KLF12: variants seen among roughly 807,000 people sequenced by gnomAD.
KLF12 encodes KLF transcription factor 12.
In KLF12, 9 loss-of-function variants were observed where a neutral mutation model predicts 37.8. The ratio of observed to expected loss-of-function variants is 0.24; its 90% CI spans 0.14 to 0.42. The LOEUF is 0.42. Among genes scored for constraint, KLF12 ranks in the 10% least tolerant of loss-of-function variants. KLF12 has a pLI of 1.00. For synonymous variants in KLF12, 208 were observed against 202.1 expected (o/e 1.03, Z -0.25); for missense variants, 411 against 516.0 (o/e 0.80, Z 1.97).
At chr13:73,776,869 C>T (rs1445005568) in intron 5 of KLF12, among the ~76,000 whole-genome samples, 2 of 152,024 alleles carry the variant, frequency 1.3e-5, no homozygotes, top group Non-Finnish European at 2.9e-5. Context: ...CAGGAAGGAA[C>T]TGATTAAAAT....
intron 3 of KLF12, among the ~76,000 whole-genome samples, chr13:73,934,949 T>TATTA (rs1361529579): frequency 9.3e-6 from 1 of 107,448 alleles, no homozygotes; most frequent in Non-Finnish European, 1.9e-5. Flanking sequence ...GATAGGTTTT[T>TATTA]ATTATTTATT....
At chr13:74,089,806 A>G (rs1455006178) in intron 1 of KLF12, among the ~76,000 whole-genome samples, 10 of 25,524 alleles carry the variant, frequency 3.9e-4, no homozygotes, top group Admixed American at 6.9e-4. Context: ...GCAGGGGGAA[A>G]AAAAAAAAAA....
At chr13:74,134,772 G>A (rs911268355), upstream of KLF12, among the ~76,000 whole-genome samples, 2 of 151,880 alleles carry the variant, frequency 1.3e-5, no homozygotes, top group East Asian at 2.0e-4. Context: ...GTCAGAGCGC[G>A]CCAGACAGGC....
At chr13:73,972,596 T>C (rs1197675064) in intron 2 of KLF12, among the ~76,000 whole-genome samples, 1 of 147,424 alleles carries the variant, frequency 6.8e-6, no homozygotes, top group Non-Finnish European at 1.5e-5. Context: ...TTTATTTTTA[T>C]CATCTAGTAT....
intron 1 of KLF12, among the ~76,000 whole-genome samples, chr13:74,023,421 G>C (rs987860710): frequency 1.3e-5 from 2 of 152,214 alleles, no homozygotes; most frequent in Non-Finnish European, 2.9e-5. Context: ...TGGCTTTTAA[G>C]AACAGAAATC....
At chr13:74,104,644 G>A (rs773530390) in intron 1 of KLF12, among the ~76,000 whole-genome samples, 5 of 152,116 alleles carry the variant, frequency 3.3e-5, no homozygotes, top group East Asian at 3.8e-4. Context: ...AGTCAATAAT[G>A]TTCTATCAAG....
chr13:73,707,884 G>C (rs61958890), intron 7 of KLF12, among the ~76,000 whole-genome samples: 19 of 152,162 alleles, frequency 1.2e-4, no homozygotes, highest in Non-Finnish European at 1.6e-4. Flanking sequence ...GATGAGGCAA[G>C]TAAGAAAGTG....
chr13:74,145,067 T>C, the KLF12 span, among the ~76,000 whole-genome samples: 1 of 152,266 alleles, frequency 6.6e-6, no homozygotes, highest in South Asian at 2.1e-4. Context: ...GCAGTTTTTT[T>C]CACTATTGCA....
intron 1 of KLF12, among the ~76,000 whole-genome samples, chr13:74,081,592 C>T (rs1262900641): frequency 6.6e-6 from 1 of 152,122 alleles, no homozygotes; most frequent in African/African-American, 2.4e-5. Flanking sequence ...ATGGATCTGC[C>T]ATGAGCAACG....
At chr13:74,249,127 T>A in the KLF12 span, among the ~76,000 whole-genome samples, 1 of 152,092 alleles carries the variant, frequency 6.6e-6, no homozygotes, top group Admixed American at 6.6e-5. Context: ...GTGATAATGC[T>A]AGTTGCTTCT....
chr13:74,024,295 T>C lies in KLF12; in HGVS notation c.-31-29242A>G, dbSNP rs1411139421. Among the ~76,000 whole-genome samples, 8 of 152,232 alleles carry C rather than the reference T, an allele frequency of 5.3e-5. No homozygotes were observed. In the South Asian group the frequency reaches 1.4e-3, roughly 28 times the overall value. ...AAATACATTCTCAATTCCAACTTCA[T>C]GCTCTAACAAATATCCAACAAAATA... On this transcript the variant is annotated intron_variant, in intron 1 of 7. Coordinates refer to ENST00000377669, the MANE Select transcript of KLF12 (RefSeq NM_007249.5).
At chr13:73,713,285 G>C (rs984088818) in intron 7 of KLF12, among the ~76,000 whole-genome samples, 1 of 152,168 alleles carries the variant, frequency 6.6e-6, no homozygotes, top group Admixed American at 6.5e-5. Flanking sequence ...ACTGGACATT[G>C]TAAGAGAGGA....
chr13:74,279,159 A>G, the KLF12 span, among the ~76,000 whole-genome samples: 3 of 152,152 alleles, frequency 2.0e-5, no homozygotes, highest in East Asian at 5.9e-4. Context: ...TGTGCTTAAA[A>G]TCCCCTGGGG....
chr13:73,993,397 A>G (rs1021271064), intron 2 of KLF12, among the ~76,000 whole-genome samples: 2 of 152,234 alleles, frequency 1.3e-5, no homozygotes. Flanking sequence ...TAGTAACACA[A>G]TGATTCTTTT....
At chr13:73,922,377 C>G (rs1889157821) in intron 3 of KLF12, among the ~76,000 whole-genome samples, 1 of 152,122 alleles carries the variant, frequency 6.6e-6, no homozygotes, top group Non-Finnish European at 1.5e-5. Flanking sequence ...AGCTTAACAT[C>G]TCAGCACCCA....
chr13:73,757,342 G>A (rs185134885), intron 6 of KLF12, among the ~76,000 whole-genome samples: 52 of 152,198 alleles, frequency 3.4e-4, no homozygotes, highest in East Asian at 5.8e-4. Flanking sequence ...TACGTTGCAC[G>A]CTATCTATTG....
At chr13:73,863,226 A>T (rs1320451040) in intron 3 of KLF12, among the ~76,000 whole-genome samples, 1 of 152,178 alleles carries the variant, frequency 6.6e-6, no homozygotes, top group Admixed American at 6.5e-5. Context: ...CCTGTGAATA[A>T]CTGACAAGAA....
intron 3 of KLF12, among the ~76,000 whole-genome samples, chr13:73,915,321 T>C (rs995087237): frequency 2.0e-5 from 3 of 152,084 alleles, no homozygotes; most frequent in African/African-American, 7.2e-5. Flanking sequence ...GATGATAAGG[T>C]GACATGCACA....
chr13:73,868,483 C>T (rs568668988), intron 3 of KLF12, among the ~76,000 whole-genome samples: 43 of 151,982 alleles, frequency 2.8e-4, no homozygotes, highest in African/African-American at 8.7e-4. Context: ...CTCCGCCTCC[C>T]GGGTTCAAGT....
Sources: allele counts gnomAD v4.1 joint callset (sites outside exome capture counted in the v4.1 genomes callset), GRCh38; gene constraint gnomAD v4.1.1; transcripts MANE v1.5; gene names NCBI Gene and HGNC (gene_info 2026-07-23, HGNC 2026-07-21).